The following F11R variants were observed in gnomAD, a reference collection of about 807,000 sequenced individuals.
The protein encoded by F11R is F11 receptor, also known as junctional adhesion molecule A.
Under a neutral mutation model 39.3 loss-of-function variants are expected in F11R, and 27 were observed. That is an observed-to-expected ratio of 0.69 (90% confidence interval 0.51 to 0.95). The LOEUF is 0.95. Ranked by LOEUF, F11R falls within the 40% of genes least tolerant of loss-of-function variation. The pLI is 0.00. For missense variants in F11R, 335 were observed against 372.7 expected, an observed-to-expected ratio of 0.90 and a Z score of 0.83; for synonymous variants, 131 against 144.9, an observed-to-expected ratio of 0.90 and a Z score of 0.69.
chr1:160,998,850 T>C lies in F11R; in HGVS notation c.*21A>G, dbSNP rs1557888502. ...ACCTGAGTAAGGCAAATGCAGATGA[T>C]AGGCGGTGAGCCGACCAGGCTCACA... On this transcript the variant is annotated 3_prime_UTR_variant, in exon 10 of 10. Transcript: ENST00000368026. 5 of 1,613,754 alleles carry C rather than the reference T, an allele frequency of 3.1e-6. No individual in the cohort carries two copies. The highest frequency in any genetic ancestry group is 1.3e-5 in the African/African-American group (1 of 75,038).
intron 1 of F11R, among the ~76,000 whole-genome samples, chr1:161,006,056 T>G (rs1648785787): frequency 6.6e-6 from 1 of 151,490 alleles, no homozygotes; most frequent in Non-Finnish European, 1.5e-5. Flanking sequence ...GACAATCACT[T>G]GAACCCGGGA....
chr1:161,012,774 A>C (rs1412652015), intron 1 of F11R, among the ~76,000 whole-genome samples: 1 of 151,896 alleles, frequency 6.6e-6, no homozygotes, highest in East Asian at 1.9e-4. Context: ...ATAGGCACCC[A>C]CCACCATGCC....
chr1:161,001,313 T>G lies in F11R; in HGVS notation c.105A>C (p.Glu35Asp). 1 of 1,614,034 alleles carries G rather than the reference T, an allele frequency of 6.2e-7. No homozygotes were observed. The highest frequency in any genetic ancestry group is 8.5e-7 in the Non-Finnish European group (1 of 1,179,998). Residue 35 changes from glutamate (E) to aspartate (D), a missense_variant, in exon 2 of 10, where the codon GAA (glutamate) becomes GAC (aspartate). Glu to Asp is a conservative substitution (Grantham distance 45). Coordinates refer to ENST00000368026, the MANE Select transcript of F11R (RefSeq NM_016946.6). Reference protein sequence around the residue: ...ALGSVTVHSSEPEVRIPENNP... With the variant: ...ALGSVTVHSSDPEVRIPENNP... ...TATTCTCAGGAATTCTGACTTCAGG[T>G]TCAGAAGAGTGCACTGTAACACTGC... is the stretch of plus-strand genomic sequence containing the variant.
intron 1 of F11R, among the ~76,000 whole-genome samples, chr1:161,003,278 C>T (rs1352801208): frequency 6.6e-6 from 1 of 151,664 alleles, no homozygotes; most frequent in Admixed American, 6.6e-5. Flanking sequence ...CATGTGCCAC[C>T]ATGCCCGGCT....
chr1:161,012,600 T>TTTTTTTTATTTATTTA (rs1553211045), intron 1 of F11R, among the ~76,000 whole-genome samples: 1 of 144,174 alleles, frequency 6.9e-6, no homozygotes, highest in Non-Finnish European at 1.5e-5. Flanking sequence ...AATTAATTAA[T>TTTTTTTTATTTATTTA]TTTATTTATT....
intron 1 of F11R, 152 bp downstream of exon 1, chr1:161,020,858 G>A (rs575180073): frequency 1.9e-5 from 14 of 740,554 alleles, no homozygotes; most frequent in South Asian, 1.6e-4. Context: ...AGTGGTGAAA[G>A]AGGGACCAGC....
In F11R at chr1:161,000,679, C is replaced by A; in HGVS notation, c.340G>T (p.Glu114Ter). The change falls in exon 4 of 10, where the codon GAA becomes TAA. Residue 114 changes from glutamate (E) to a stop codon, truncating the protein, a stop_gained. Coordinates refer to ENST00000368026, the MANE Select transcript of F11R (RefSeq NM_016946.6). LOFTEE classifies it high-confidence loss of function. The stretch of plus-strand genomic sequence containing the variant: ...ACCTCCCCATAGCTGTTGCCGCCTT[C>A]CTCAGAGACCATACAAGTGTATGTC... The part of the protein sequence containing the change: ...TGTYTCMVSE[E>*]GGNSYGEVKV... The A allele has an allele frequency of 6.2e-7, 1 of 1,614,182 alleles. No individual in the cohort carries two copies. Among genetic ancestry groups the A allele is most frequent in the Non-Finnish European group, 8.5e-7 (1 of 1,180,026 alleles).
At chr1:161,012,588 T>A (rs1390444027) in intron 1 of F11R, among the ~76,000 whole-genome samples, 1 of 146,162 alleles carries the variant, frequency 6.8e-6, no homozygotes, top group Non-Finnish European at 1.5e-5. Flanking sequence ...TTGTGTCGTT[T>A]GAATTAATTA....
chr1:161,020,021 G>A (rs1309952359), intron 1 of F11R, among the ~76,000 whole-genome samples: 1 of 152,104 alleles, frequency 6.6e-6, no homozygotes, highest in Admixed American at 6.6e-5. Flanking sequence ...GGTGGGGGGA[G>A]ACTCATGTAG....
At chr1:161,003,570 C>CT (rs1221196036) in intron 1 of F11R, among the ~76,000 whole-genome samples, 3 of 150,704 alleles carry the variant, frequency 2.0e-5, no homozygotes, top group East Asian at 4.0e-4. Flanking sequence ...GCCTAATTTT[C>CT]TTTTTTTTCT....
intron 1 of F11R, among the ~76,000 whole-genome samples, chr1:161,012,295 A>G (rs1167393815): frequency 2.0e-5 from 3 of 152,174 alleles, no homozygotes; most frequent in Non-Finnish European, 4.4e-5. Context: ...TTTTTTCTAG[A>G]TATCCTGTTA....
intron 1 of F11R, among the ~76,000 whole-genome samples, chr1:161,006,673 C>T (rs1202606382): frequency 6.6e-6 from 1 of 152,206 alleles, no homozygotes; most frequent in African/African-American, 2.4e-5. Flanking sequence ...ACCTCTGTTG[C>T]AGGATTAACT....
rs182729997 is a variant in F11R at position 161,014,370 on chromosome 1, G to C, written c.64+6640C>G. On this transcript the variant is annotated intron_variant, in intron 1 of 9. Coordinates refer to ENST00000368026, the MANE Select transcript of F11R (RefSeq NM_016946.6). ...CAAATTGAACTCAGCTGACTTGGAG[G>C]GGGGTGGGATGTATCCTAACAGCCA... Among the ~76,000 whole-genome samples the C allele has an allele frequency of 1.1e-3, 166 of 152,280 alleles. 2 individuals are homozygous for C. The East Asian group carries it at 0.013, about 12-fold the overall frequency.
rs1393503204 is a variant in F11R, at chr1:160,997,707, C to G, written c.*1164G>C. ...CCCACAAAAAAGAGCCTTGACAAAC[C>G]AAGGTTTTATTTCCAGCAACATTCA... On this transcript the variant is annotated 3_prime_UTR_variant, in exon 10 of 10. Coordinates refer to ENST00000368026, the MANE Select transcript of F11R (RefSeq NM_016946.6). 6.5e-6 allele frequency: 1 copy of G among 152,776 alleles called. No homozygotes were observed. Among genetic ancestry groups the G allele is most frequent in the Non-Finnish European group, 1.5e-5 (1 of 68,052 alleles). The allele number at this position is 152,776 out of a possible 1,614,324, so 9.5% of individuals were successfully genotyped here.
chr1:161,001,740 A>G (rs1019395657), intron 1 of F11R, among the ~76,000 whole-genome samples: 2 of 152,228 alleles, frequency 1.3e-5, no homozygotes, highest in Non-Finnish European at 2.9e-5. Flanking sequence ...CCTGGAAGGA[A>G]GCCAGCAGGG....
chr1:161,007,568 A>G (rs923711183), intron 1 of F11R, among the ~76,000 whole-genome samples: 2 of 152,212 alleles, frequency 1.3e-5, no homozygotes, highest in African/African-American at 4.8e-5. Flanking sequence ...GCATCTGTAA[A>G]ATGGGGATAA....
At chr1:160,999,182 T>C (rs1292897377) in intron 8 of F11R, 91 bp from the exon 9 acceptor site, 1 of 1,573,428 alleles carries the variant, frequency 6.4e-7, no homozygotes, top group Non-Finnish European at 8.7e-7. Context: ...GCGAGAATGC[T>C]ACAGAAGCAC....
At chr1:161,012,455 A>C (rs1207622784) in intron 1 of F11R, among the ~76,000 whole-genome samples, 1 of 152,104 alleles carries the variant, frequency 6.6e-6, no homozygotes, top group Non-Finnish European at 1.5e-5. Context: ...TGCCTCAGGG[A>C]TATCAATAAC....
chr1:161,001,484 T>G, intron 1 of F11R, 131 bp from the exon 2 acceptor site: 1 of 694,220 alleles, frequency 1.4e-6, no homozygotes, highest in Non-Finnish European at 2.4e-6. Context: ...AGACTTATGC[T>G]CCCTCTGGCT....
Sources: gnomAD v4.1 joint callset for allele counts (sites outside exome capture counted in the v4.1 genomes callset) on GRCh38, gnomAD v4.1.1 for gene constraint, MANE v1.5 for transcripts, NCBI Gene and HGNC (gene_info 2026-07-23, HGNC 2026-07-21) for gene names.